Variants in LRCH2 observed in about 807,000 individuals in gnomAD.
The protein encoded by LRCH2 is leucine rich repeats and calponin homology domain containing 2.
In LRCH2, 38 loss-of-function variants were observed where a neutral mutation model predicts 68.9. That is an observed-to-expected ratio of 0.55 (90% CI 0.43 to 0.72). LRCH2 has a LOEUF of 0.72. Among genes scored for constraint, LRCH2 ranks in the 30% least tolerant of loss-of-function variants. LRCH2 has a pLI of 0.00. For missense variants in LRCH2, 528 were observed against 572.9 expected, an observed-to-expected ratio of 0.92 and a Z score of 0.80; for synonymous variants, 191 against 208.1, an observed-to-expected ratio of 0.92 and a Z score of 0.71.
At chrX:115,149,303 C>T (rs940510003) in intron 14 of LRCH2, among the ~76,000 whole-genome samples, 1 of 111,184 alleles carries the variant, frequency 9.0e-6, no homozygotes, top group Non-Finnish European at 1.9e-5. Flanking sequence ...TAAAACCCTG[C>T]TAACTAGAAA....
At chrX:115,126,002 C>G (rs1005957103) in intron 16 of LRCH2, among the ~76,000 whole-genome samples, 3 of 110,215 alleles carry the variant, frequency 2.7e-5, no homozygotes, top group Non-Finnish European at 5.7e-5. Flanking sequence ...ATTAAAAAAG[C>G]AACACCACCT....
intron 5 of LRCH2, among the ~76,000 whole-genome samples, chrX:115,175,766 A>T (rs2072642038): frequency 8.9e-6 from 1 of 111,916 alleles, no homozygotes; most frequent in Non-Finnish European, 1.9e-5. Flanking sequence ...TTCAGTTAGC[A>T]CCCCTTCTCA....
chrX:115,186,519 T>G lies in LRCH2; in HGVS notation c.494+1707A>C, dbSNP rs781868983. 9.9e-5 allele frequency among the ~76,000 whole-genome samples: 11 copies of G among 111,128 alleles called. No individual in the cohort carries two copies. The East Asian group carries it at 2.8e-3, about 28-fold the overall frequency. ...ATTTCAATATAGTTTGCTCAAAAAT[T>G]TTTGTGACTGTAAAAAAAGATCAAA... On this transcript the variant is annotated intron_variant, in intron 2 of 20. Coordinates refer to ENST00000317135, the MANE Select transcript of LRCH2 (RefSeq NM_020871.4).
chrX:115,135,183 G>A (rs1364681913), intron 14 of LRCH2, among the ~76,000 whole-genome samples: 5 of 99,508 alleles, frequency 5.0e-5, no homozygotes, highest in African/African-American at 7.6e-5. Context: ...GTGCAGTGTC[G>A]TGATCTTGGC....
chrX:115,140,981 C>G (rs1217379528), intron 14 of LRCH2, among the ~76,000 whole-genome samples: 1 of 110,558 alleles, frequency 9.0e-6, no homozygotes, highest in Non-Finnish European at 1.9e-5. Context: ...GCCTGTAATT[C>G]CAGCACTTTG....
At chrX:115,145,583 A>T (rs1287623677) in intron 14 of LRCH2, among the ~76,000 whole-genome samples, 1 of 110,584 alleles carries the variant, frequency 9.0e-6, no homozygotes, top group Non-Finnish European at 1.9e-5. Flanking sequence ...AGCTCAAGCG[A>T]CTCTTTAGGA....
intron 1 of LRCH2, among the ~76,000 whole-genome samples, chrX:115,219,767 C>T (rs1243412947): frequency 8.9e-6 from 1 of 111,857 alleles, no homozygotes; most frequent in African/African-American, 3.2e-5. Flanking sequence ...GCCTTGAGGC[C>T]GCCTCCTGTA....
intron 11 of LRCH2, among the ~76,000 whole-genome samples, chrX:115,163,008 T>C (rs1459054263): frequency 1.8e-5 from 2 of 111,669 alleles, no homozygotes; most frequent in Non-Finnish European, 3.8e-5. Flanking sequence ...TGGACATGTC[T>C]TGATTTTATT....
chrX:115,132,113 T>C (rs2072250782), intron 14 of LRCH2, among the ~76,000 whole-genome samples: 1 of 112,047 alleles, frequency 8.9e-6, no homozygotes, highest in Non-Finnish European at 1.9e-5. Flanking sequence ...ATTTTGGCTT[T>C]CGTTGCCATT....
chrX:115,120,860 T>C (rs1556525677), intron 20 of LRCH2, among the ~76,000 whole-genome samples: 1 of 108,082 alleles, frequency 9.3e-6, no homozygotes, highest in African/African-American at 3.4e-5. Flanking sequence ...GATGAGTTCA[T>C]GTCCTTTGTA....
chrX:115,166,071 C>T (rs1362989659), intron 7 of LRCH2, 119 bp from the exon 8 acceptor site: 2 of 649,933 alleles, frequency 3.1e-6, no homozygotes, highest in Admixed American at 3.7e-5. Flanking sequence ...GTTTTCAAAC[C>T]CAAAATTAAC....
At chrX:115,233,286 A>G (rs1306488947) in intron 1 of LRCH2, among the ~76,000 whole-genome samples, 3 of 112,193 alleles carry the variant, frequency 2.7e-5, no homozygotes, top group African/African-American at 9.7e-5. Flanking sequence ...TCAGGCACGT[A>G]TGCCTTTAAG....
At chrX:115,169,961 G>A (rs1245820291) in intron 6 of LRCH2, among the ~76,000 whole-genome samples, 2 of 111,458 alleles carry the variant, frequency 1.8e-5, no homozygotes, top group African/African-American at 6.5e-5. Flanking sequence ...ACCAACCTCA[G>A]TTCAAAGTCA....
chrX:115,147,504 A>G (rs920543282), intron 14 of LRCH2, among the ~76,000 whole-genome samples: 6 of 111,684 alleles, frequency 5.4e-5, no homozygotes, highest in Non-Finnish European at 1.1e-4. Flanking sequence ...TATTAAGGAA[A>G]AAAATTAACA....
At chrX:115,222,507 T>C (rs2073091932) in intron 1 of LRCH2, among the ~76,000 whole-genome samples, 1 of 111,922 alleles carries the variant, frequency 8.9e-6, no homozygotes, top group African/African-American at 3.2e-5. Flanking sequence ...CCCTAATGAA[T>C]CCATTTAAAA....
intron 1 of LRCH2, chrX:115,189,751 C>T: frequency 4.3e-6 from 5 of 1,166,662 alleles, no homozygotes; most frequent in Non-Finnish European, 4.6e-6. Flanking sequence ...CAGCGGCAGT[C>T]GCTCAAGGTT....
At position 115,123,094 on chromosome X, in the gene LRCH2, G is replaced by A. The variant is rs2072157881; in HGVS notation, c.1948C>T (p.Arg650Ter). 3.3e-6 allele frequency: 4 copies of A among 1,207,377 alleles called. No individual in the cohort carries two copies. The highest frequency in any genetic ancestry group is 3.4e-6 in the Non-Finnish European group (3 of 892,837). The change falls in exon 18 of 21, where the codon CGA (arginine) becomes TGA (stop). Residue 650 changes from arginine to a stop codon, truncating the protein, a stop_gained. Transcript: ENST00000317135. LOFTEE classifies it high-confidence loss of function. ...ATCTGACTTACGTTGCGAAGTTGTC[G>A]TATTTGCTCTCGCTCTTCCCGTAAA... ...EHLREEREQIRQLRNNLESRL... is the reference protein window; with the variant it reads ...EHLREEREQI
At chrX:115,132,250 A>G (rs2072252423) in intron 14 of LRCH2, among the ~76,000 whole-genome samples, 1 of 111,773 alleles carries the variant, frequency 8.9e-6, no homozygotes, top group South Asian at 3.7e-4. Context: ...TCTTGAATTA[A>G]TTTTTGTATA....
In LRCH2 at chrX:115,130,166, C is replaced by G. The variant is rs1556529475; in HGVS notation, c.1729G>C (p.Glu577Gln). The change falls in exon 15 of 21, where the codon GAA becomes CAA. Residue 577 changes from glutamate (E) to glutamine (Q), a missense_variant. Transcript: ENST00000317135. ...KSMRKSSSGN[E>Q]NDEQDSDNAN... Reference sequence around the variant, plus strand: ...TTATCTTTTCTCACCTCATCATTTTCATTGCCACTTGAACTCTTCCTCATT... The same window carrying G: ...TTATCTTTTCTCACCTCATCATTTTGATTGCCACTTGAACTCTTCCTCATT... 2 of 1,039,677 alleles carry G rather than the reference C, an allele frequency of 1.9e-6. No homozygotes were observed. Among genetic ancestry groups the G allele is most frequent in the Admixed American group, 5.4e-5 (2 of 37,200 alleles). The allele number at this position is 1,039,677 out of a possible 1,213,427, so 85.7% of individuals were successfully genotyped here.
Sources: gnomAD v4.1 joint callset for allele counts (sites outside exome capture counted in the v4.1 genomes callset) on GRCh38, gnomAD v4.1.1 for gene constraint, MANE v1.5 for transcripts, NCBI Gene and HGNC (gene_info 2026-07-23, HGNC 2026-07-21) for gene names.